Variants in MAGI2 observed in about 807,000 individuals in gnomAD.
MAGI2 encodes membrane-associated guanylate kinase, WW and PDZ domain-containing protein 2.
MAGI2 carries 35 observed loss-of-function variants against 133.3 expected under a neutral mutation model. The ratio of observed to expected loss-of-function variants is 0.26; its 90% CI spans 0.20 to 0.35. The LOEUF is 0.35. Ranked by LOEUF, MAGI2 falls within the 10% of genes least tolerant of loss-of-function variation. MAGI2 has a pLI of 1.00. For missense variants in MAGI2, 1,636 were observed against 1,863.4 expected, an observed-to-expected ratio of 0.88 and a Z score of 2.25; for synonymous variants, 729 against 710.6, an observed-to-expected ratio of 1.03 and a Z score of -0.41.
intron 9 of MAGI2, among the ~76,000 whole-genome samples, chr7:78,261,437 A>G (rs1223566279): frequency 6.6e-6 from 1 of 152,074 alleles, no homozygotes; most frequent in Non-Finnish European, 1.5e-5. Context: ...AGGCTTGCAA[A>G]TGCATCTCAG....
At chr7:79,297,175 C>T (rs1201895450) in intron 1 of MAGI2, among the ~76,000 whole-genome samples, 2 of 152,060 alleles carry the variant, frequency 1.3e-5, no homozygotes, top group Non-Finnish European at 2.9e-5. Context: ...ACCACCTGGC[C>T]TACAGTGTTT....
At chr7:78,824,562 A>G (rs1790458192) in intron 2 of MAGI2, among the ~76,000 whole-genome samples, 1 of 152,308 alleles carries the variant, frequency 6.6e-6, no homozygotes, top group South Asian at 2.1e-4. Flanking sequence ...TGTTGGCTGC[A>G]TAAATATCTT....
chr7:78,422,580 C>CA (rs11441295), intron 6 of MAGI2, among the ~76,000 whole-genome samples: 18,971 of 112,768 alleles, frequency 0.17, 1,252 homozygotes, highest in Middle Eastern at 0.24. Context: ...TGTGTAAAGG[C>CA]AAAAAAAAAA....
chr7:79,434,326 A>G (rs1381030352), intron 1 of MAGI2, among the ~76,000 whole-genome samples: 19 of 152,310 alleles, frequency 1.2e-4, no homozygotes, highest in South Asian at 4.1e-4. Context: ...TGAATCACAG[A>G]AGGTATAGAT....
At chr7:78,945,573 T>G (rs1801351640) in intron 2 of MAGI2, among the ~76,000 whole-genome samples, 1 of 152,228 alleles carries the variant, frequency 6.6e-6, no homozygotes, top group Non-Finnish European at 1.5e-5. Context: ...CACCTTGCTG[T>G]ACAATAGATT....
chr7:79,183,534 A>G (rs770076005), intron 1 of MAGI2, among the ~76,000 whole-genome samples: 2 of 151,980 alleles, frequency 1.3e-5, no homozygotes, highest in African/African-American at 4.8e-5. Context: ...TTTATTAGAT[A>G]TATATTCCAC....
intron 16 of MAGI2, among the ~76,000 whole-genome samples, chr7:78,149,933 T>C (rs888668221): frequency 6.6e-6 from 1 of 152,192 alleles, no homozygotes; most frequent in East Asian, 1.9e-4. Context: ...CACTATTTAG[T>C]TGATTTTCTC....
intron 1 of MAGI2, among the ~76,000 whole-genome samples, chr7:79,387,294 T>C (rs918440456): frequency 2.0e-5 from 3 of 152,046 alleles, no homozygotes; most frequent in African/African-American, 7.2e-5. Context: ...TACTTTCCTC[T>C]TGCTTTTCTG....
intron 1 of MAGI2, among the ~76,000 whole-genome samples, chr7:79,310,421 A>C (rs963801409): frequency 2.6e-5 from 4 of 152,138 alleles, no homozygotes; most frequent in African/African-American, 9.6e-5. Flanking sequence ...CTAAACATTC[A>C]AATTACTGAA....
chr7:78,494,362 T>A (rs1197035387), intron 5 of MAGI2, among the ~76,000 whole-genome samples: 1 of 152,152 alleles, frequency 6.6e-6, no homozygotes, highest in Admixed American at 6.5e-5. Context: ...GAATATTTGG[T>A]CTTAGAAGCT....
At chr7:78,198,545 G>A (rs537582990) in intron 11 of MAGI2, among the ~76,000 whole-genome samples, 4 of 142,922 alleles carry the variant, frequency 2.8e-5, no homozygotes, top group East Asian at 2.3e-4. Context: ...GATCCTCCCC[G>A]CTCAGTCTCC....
chr7:78,902,811 C>T (rs1236433132), intron 2 of MAGI2, among the ~76,000 whole-genome samples: 2 of 152,068 alleles, frequency 1.3e-5, no homozygotes, highest in Middle Eastern at 3.2e-3. Context: ...CCCGGGCAAC[C>T]AGCAGAAACA....
intron 6 of MAGI2, among the ~76,000 whole-genome samples, chr7:78,456,360 T>G (rs1175801380): frequency 2.6e-5 from 4 of 152,320 alleles, no homozygotes; most frequent in African/African-American, 4.8e-5. Context: ...TTAAAACCTC[T>G]AATTCTATGT....
At position 78,019,565 on chromosome 7, in the gene MAGI2, G is replaced by A. The variant is rs1328870309; in HGVS notation, c.4118C>T (p.Ala1373Val). The change falls in exon 22 of 22, where the codon GCG (alanine) becomes GTG (valine). Residue 1373 changes from alanine to valine, a missense_variant. Around this residue, in one of 5 missense-constraint regions of MAGI2, gnomAD observed 354 missense variants for 298.7 expected, o/e 1.19. Transcript: ENST00000354212. ...TTCGCGCCGGCAGAGCTCGGAGCCC[G>A]CCGCCGCACGGGGCGCCTCCTTCCC... ...AGGKEAPRAAAGSELCRREGP... is the reference protein window; with the variant it reads ...AGGKEAPRAAVGSELCRREGP... The A allele has an allele frequency of 1.8e-5, 18 of 980,024 alleles. No individual in the cohort carries two copies. The highest frequency in any genetic ancestry group is 2.1e-5 in the Non-Finnish European group (17 of 827,996). 60.7% of individuals were successfully genotyped at this position (980,024 alleles called of 1,614,324 possible).
chr7:78,250,287 C>T (rs1792251574), intron 10 of MAGI2, among the ~76,000 whole-genome samples: 1 of 151,874 alleles, frequency 6.6e-6, no homozygotes, highest in African/African-American at 2.4e-5. Context: ...ACACAGTTTT[C>T]TAAGTAACCT....
chr7:79,113,295 C>T (rs1030525391), intron 1 of MAGI2, among the ~76,000 whole-genome samples: 1 of 152,202 alleles, frequency 6.6e-6, no homozygotes, highest in Non-Finnish European at 1.5e-5. Context: ...TGCCAACCTT[C>T]CCATGGTGAG....
intron 1 of MAGI2, among the ~76,000 whole-genome samples, chr7:79,101,506 C>T (rs181389099): frequency 6.6e-6 from 1 of 151,906 alleles, no homozygotes; most frequent in African/African-American, 2.4e-5. Flanking sequence ...GGGCGGATCA[C>T]GAGGTCAGGA....
At chr7:78,622,387 G>A (rs38113) in intron 3 of MAGI2, among the ~76,000 whole-genome samples, 95,783 of 151,878 alleles carry the variant, frequency 0.63, 30,695 homozygotes, top group Middle Eastern at 0.74. Flanking sequence ...TGCAGTAGGC[G>A]AGGAGGAGGA....
intron 1 of MAGI2, among the ~76,000 whole-genome samples, chr7:79,278,655 T>C (rs925432568): frequency 1.3e-4 from 20 of 152,274 alleles, no homozygotes; most frequent in Admixed American, 1.0e-3. Context: ...ATATTACTAA[T>C]GAAGCTCAAC....
Sources: allele counts gnomAD v4.1 joint callset (sites outside exome capture counted in the v4.1 genomes callset), GRCh38; gene constraint gnomAD v4.1.1; regional missense constraint gnomAD v4.1.1; transcripts MANE v1.5; gene names NCBI Gene and HGNC (gene_info 2026-07-23, HGNC 2026-07-21).